The following PCA3 variants were observed in gnomAD, a reference collection of about 807,000 sequenced individuals.
PCA3 encodes Differential Display code 3.
intron 2 of PCA3, among the ~76,000 whole-genome samples, chr9:76,771,458 C>T (rs1358555245): frequency 1.3e-5 from 2 of 152,138 alleles, no homozygotes; most frequent in Non-Finnish European, 2.9e-5. Flanking sequence ...AGCAGAGTCC[C>T]TGCTCAAGGA....
intron 2 of PCA3, chr9:76,786,106 A>G (rs1395664246): frequency 4.6e-5 from 7 of 152,180 alleles, no homozygotes; most frequent in African/African-American, 1.4e-4. Context: ...GAAATATTCA[A>G]TTCTCAGCAG....
intron 2 of PCA3, among the ~76,000 whole-genome samples, chr9:76,781,940 C>T (rs997775224): frequency 3.3e-5 from 5 of 152,204 alleles, no homozygotes; most frequent in South Asian, 2.1e-4. Context: ...CCTGGCCGGG[C>T]GCGGTGGCTC....
chr9:76,779,736 A>G (rs1320181818), intron 2 of PCA3: 1 of 152,244 alleles, frequency 6.6e-6, no homozygotes, highest in South Asian at 2.1e-4. Flanking sequence ...CAGTTCATCA[A>G]CTTCTCAGCA....
chr9:76,780,422 T>G (rs1479745354), intron 2 of PCA3, among the ~76,000 whole-genome samples: 2 of 152,124 alleles, frequency 1.3e-5, no homozygotes, highest in Non-Finnish European at 2.9e-5. Flanking sequence ...GCACGATGGC[T>G]CACGCCTGTA....
intron 2 of PCA3, among the ~76,000 whole-genome samples, chr9:76,774,537 C>T (rs775178694): frequency 6.8e-6 from 1 of 147,588 alleles, no homozygotes; most frequent in Admixed American, 7.1e-5. Flanking sequence ...CGGCTCACTG[C>T]AACCTCCACC....
intron 2 of PCA3, among the ~76,000 whole-genome samples, chr9:76,780,863 G>A (rs961035861): frequency 2.0e-5 from 3 of 152,182 alleles, no homozygotes; most frequent in African/African-American, 7.2e-5. Flanking sequence ...GATCTGCCCA[G>A]GACCACGCAG....
intron 2 of PCA3, among the ~76,000 whole-genome samples, chr9:76,777,064 G>C (rs2053884094): frequency 6.6e-6 from 1 of 151,884 alleles, no homozygotes; most frequent in Admixed American, 6.6e-5. Context: ...CTTCCTCTTG[G>C]GCCCTTCTTT....
chr9:76,786,242 CAATA>C (rs1296387552), intron 2 of PCA3: 1 of 152,070 alleles, frequency 6.6e-6, no homozygotes, highest in African/African-American at 2.4e-5. Context: ...ATGGATAGTC[CAATA>C]AATAATGTTA....
chr9:76,773,409 G>A (rs1026913422), intron 2 of PCA3, among the ~76,000 whole-genome samples: 2 of 149,492 alleles, frequency 1.3e-5, no homozygotes, highest in Non-Finnish European at 1.5e-5. Context: ...CATTCATCCC[G>A]CAGTCACATC....
intron 2 of PCA3, among the ~76,000 whole-genome samples, chr9:76,774,302 A>G (rs1251788952): frequency 6.6e-6 from 1 of 151,276 alleles, no homozygotes. Context: ...TGCCCAGTTA[A>G]TTTTTTGTAT....
intron 2 of PCA3, among the ~76,000 whole-genome samples, chr9:76,765,537 C>T (rs560725829): frequency 4.6e-5 from 7 of 152,256 alleles, no homozygotes; most frequent in African/African-American, 1.7e-4. Context: ...TAGCAATTAG[C>T]ACACTGTCTG....
chr9:76,774,457 T>TA (rs756648285), intron 2 of PCA3, among the ~76,000 whole-genome samples: 2,095 of 73,364 alleles, frequency 0.029, 62 homozygotes, highest in African/African-American at 0.046. Flanking sequence ...ACCCTTTTTT[T>TA]TTTTTTTTTT....
At chr9:76,765,508 A>T (rs1385000181) in intron 2 of PCA3, among the ~76,000 whole-genome samples, 1 of 152,186 alleles carries the variant, frequency 6.6e-6, no homozygotes, top group Non-Finnish European at 1.5e-5. Context: ...CACTATAAAC[A>T]GCTCTCATAA....
chr9:76,765,099 T>A (rs1405151825), intron 2 of PCA3, among the ~76,000 whole-genome samples: 1 of 152,168 alleles, frequency 6.6e-6, no homozygotes, highest in Admixed American at 6.5e-5. Flanking sequence ...CAGTAGCAGA[T>A]GTACATTTGT....
intron 2 of PCA3, among the ~76,000 whole-genome samples, chr9:76,767,344 G>A (rs906814147): frequency 4.6e-5 from 7 of 151,898 alleles, no homozygotes; most frequent in East Asian, 1.9e-4. Context: ...CCAGCTACTC[G>A]AGAGGCCGAG....
chr9:76,782,280 G>A (rs1331193207), intron 2 of PCA3, among the ~76,000 whole-genome samples: 3 of 152,168 alleles, frequency 2.0e-5, no homozygotes, highest in South Asian at 4.1e-4. Context: ...GAAGAGAAGT[G>A]ACACAACTCT....
intron 2 of PCA3, chr9:76,785,141 T>G (rs1001066550): frequency 1.3e-5 from 2 of 152,372 alleles, no homozygotes; most frequent in South Asian, 4.2e-4. Context: ...ACCCCTCCCA[T>G]GCACCTAAAC....
chr9:76,775,202 G>A (rs2053604481), intron 2 of PCA3, among the ~76,000 whole-genome samples: 1 of 152,216 alleles, frequency 6.6e-6, no homozygotes, highest in African/African-American at 2.4e-5. Context: ...AGAAACAAGA[G>A]TCTTAGAATT....
At chr9:76,778,900 A>G (rs931564384) in intron 2 of PCA3, 2 of 152,232 alleles carry the variant, frequency 1.3e-5, no homozygotes, top group African/African-American at 4.8e-5. Context: ...GCCTCAACAA[A>G]TTGAACTGTT....
Sources: gnomAD v4.1 joint callset for allele counts (sites outside exome capture counted in the v4.1 genomes callset) on GRCh38, gnomAD v4.1.1 for gene constraint, MANE v1.5 for transcripts, NCBI Gene and HGNC (gene_info 2026-07-23, HGNC 2026-07-21) for gene names.